Variants in HERPUD2 observed in about 807,000 individuals in gnomAD.
HERPUD2 encodes the protein homocysteine-responsive endoplasmic reticulum-resident ubiquitin-like domain member 2 protein.
A neutral mutation model predicts 49.9 loss-of-function variants in HERPUD2; 13 were observed. The observed-to-expected ratio is 0.26, with a 90% CI of 0.17 to 0.41. HERPUD2 has a LOEUF of 0.41. Among genes scored for constraint, HERPUD2 ranks in the 10% least tolerant of loss-of-function variants. HERPUD2 has a pLI of 1.00. For missense variants in HERPUD2, 449 were observed against 492.2 expected, an observed-to-expected ratio of 0.91 and a Z score of 0.83; for synonymous variants, 172 against 171.4, an observed-to-expected ratio of 1.00 and a Z score of -0.03.
rs190016835 is a variant in HERPUD2, at chr7:35,674,355, T to C, written c.148-1077A>G. Among the ~76,000 whole-genome samples the C allele has an allele frequency of 4.0e-5, 5 of 124,498 alleles. No individual in the cohort carries two copies. In the Admixed American group the frequency reaches 4.7e-4, roughly 12 times the overall value. 81.7% of individuals were successfully genotyped at this position (124,498 alleles called of 152,430 possible). On this transcript the variant is annotated intron_variant, in intron 2 of 8. Coordinates refer to ENST00000311350, the MANE Select transcript of HERPUD2 (RefSeq NM_022373.5). Reference sequence around the variant, plus strand: ...TAAACAATCAAATACAGTGCACAGGTTTTAAAATCATAAGTCTTACAACCT... The same window carrying C: ...TAAACAATCAAATACAGTGCACAGGCTTTAAAATCATAAGTCTTACAACCT...
At chr7:35,654,958 G>A (rs550293536) in intron 5 of HERPUD2, among the ~76,000 whole-genome samples, 11 of 152,274 alleles carry the variant, frequency 7.2e-5, no homozygotes, top group Non-Finnish European at 1.3e-4. Flanking sequence ...GGGTTCAAGC[G>A]ATGCTCCTGC....
chr7:35,642,498 A>T (rs1784982134), intron 5 of HERPUD2, among the ~76,000 whole-genome samples: 1 of 152,228 alleles, frequency 6.6e-6, no homozygotes, highest in Non-Finnish European at 1.5e-5. Context: ...TATCATAAAG[A>T]CATATGCATG....
intron 6 of HERPUD2, among the ~76,000 whole-genome samples, chr7:35,637,160 A>AGATAGAT (rs1784884130): frequency 9.0e-5 from 13 of 144,192 alleles, no homozygotes; most frequent in East Asian, 8.2e-4. Context: ...GAAAGAAAGA[A>AGATAGAT]AGATAGATAG....
intron 2 of HERPUD2, among the ~76,000 whole-genome samples, chr7:35,685,898 T>C (rs1402022574): frequency 4.0e-5 from 6 of 151,356 alleles, no homozygotes; most frequent in East Asian, 2.0e-4. Context: ...GAGGCGGAGG[T>C]TGCGGTGAGC....
chr7:35,650,555 G>A (rs1431039785), intron 5 of HERPUD2, among the ~76,000 whole-genome samples: 1 of 152,118 alleles, frequency 6.6e-6, no homozygotes. Context: ...TGGGGCCCAA[G>A]AACTCCGGTA....
At position 35,674,402 on chromosome 7, in the gene HERPUD2, TATAGAGAGAGAGAGAGAGAGAGAG is replaced by T. The variant is rs1256589519; in HGVS notation, c.148-1148_148-1125del. Reference sequence around the variant, plus strand: ...ACCTATATATATATATATATATATATATAGAGAGAGAGAGAGAGAGAGAGAGAGAGAGAGAGAGAGAGAGAGAGA... The same window carrying T: ...ACCTATATATATATATATATATATATAGAGAGAGAGAGAGAGAGAGAGAGA... On this transcript the variant is annotated intron_variant, in intron 2 of 8. Coordinates refer to ENST00000311350, the MANE Select transcript of HERPUD2 (RefSeq NM_022373.5). Among the ~76,000 whole-genome samples, 72 of 54,452 alleles carry T rather than the reference TATAGAGAGAGAGAGAGAGAGAGAG, an allele frequency of 1.3e-3. 1 individual carries two copies. Among genetic ancestry groups the T allele is most frequent in the Middle Eastern group, 8.5e-3 (1 of 118 alleles). The allele number at this position is 54,452 out of a possible 152,430, so 35.7% of individuals were successfully genotyped here.
intron 5 of HERPUD2, among the ~76,000 whole-genome samples, chr7:35,658,459 C>T (rs1785331333): frequency 6.6e-6 from 1 of 152,090 alleles, no homozygotes; most frequent in African/African-American, 2.4e-5. Flanking sequence ...CAAGGGCAGA[C>T]TTGAAATCTT....
chr7:35,666,836 G>A (rs1785547878), intron 5 of HERPUD2, among the ~76,000 whole-genome samples: 1 of 152,166 alleles, frequency 6.6e-6, no homozygotes, highest in Non-Finnish European at 1.5e-5. Flanking sequence ...ATACAACAAA[G>A]ATTCTGGACA....
At chr7:35,679,935 C>A (rs1312446971) in intron 2 of HERPUD2, among the ~76,000 whole-genome samples, 2 of 152,174 alleles carry the variant, frequency 1.3e-5, no homozygotes, top group African/African-American at 4.8e-5. Context: ...CATATCTAAC[C>A]ATTGTCAAAT....
intron 5 of HERPUD2, among the ~76,000 whole-genome samples, chr7:35,648,342 A>G (rs527874810): frequency 2.6e-5 from 4 of 152,366 alleles, no homozygotes; most frequent in East Asian, 3.9e-4. Flanking sequence ...TCAGTCTTCT[A>G]TAACAGGATT....
intron 2 of HERPUD2, among the ~76,000 whole-genome samples, chr7:35,687,242 C>T (rs1029461339): frequency 2.6e-5 from 4 of 152,070 alleles, no homozygotes; most frequent in African/African-American, 9.7e-5. Context: ...CAAATCTAAA[C>T]GTACTAGTTA....
At chr7:35,691,878 C>A (rs1028326958) in intron 2 of HERPUD2, among the ~76,000 whole-genome samples, 11 of 152,130 alleles carry the variant, frequency 7.2e-5, no homozygotes, top group Non-Finnish European at 1.5e-4. Context: ...CAAATCAATT[C>A]TCACGTGATA....
At chr7:35,675,984 C>G (rs1785751333) in intron 2 of HERPUD2, among the ~76,000 whole-genome samples, 1 of 152,136 alleles carries the variant, frequency 6.6e-6, no homozygotes, top group Non-Finnish European at 1.5e-5. Flanking sequence ...TTCTCTTCAC[C>G]TGTACAAATT....
At chr7:35,647,204 T>G (rs897599866) in intron 5 of HERPUD2, among the ~76,000 whole-genome samples, 1 of 152,124 alleles carries the variant, frequency 6.6e-6, no homozygotes, top group Admixed American at 6.6e-5. Context: ...ATCCCCACTG[T>G]GTTCCCAGAA....
intron 5 of HERPUD2, among the ~76,000 whole-genome samples, chr7:35,646,722 T>C (rs143250661): frequency 4.5e-4 from 69 of 152,320 alleles, no homozygotes; most frequent in African/African-American, 1.5e-3. Context: ...GAAAATGTCA[T>C]ATTCTTTATG....
At chr7:35,694,779 C>T in intron 1 of HERPUD2, 22 bp downstream of exon 1, 1 of 156,910 alleles carries the variant, frequency 6.4e-6, no homozygotes, top group Non-Finnish European at 1.4e-5. Context: ...CCGCTCAGGG[C>T]GGTCAGCGGG....
chr7:35,665,549 C>G (rs1042766456), intron 5 of HERPUD2, among the ~76,000 whole-genome samples: 10 of 152,296 alleles, frequency 6.6e-5, no homozygotes, highest in African/African-American at 2.2e-4. Context: ...GGGAATTCCC[C>G]GACCCCTTGC....
chr7:35,652,958 A>G (rs193238119), intron 5 of HERPUD2, among the ~76,000 whole-genome samples: 8 of 152,266 alleles, frequency 5.3e-5, no homozygotes, highest in Non-Finnish European at 1.2e-4. Flanking sequence ...GAAAGAATTT[A>G]TATGTCACCA....
chr7:35,670,221 G>T lies in HERPUD2; in HGVS notation c.333C>A (p.Ser111Arg). 6.6e-7 allele frequency: 1 copy of T among 1,523,196 alleles called. No homozygotes were observed. Among genetic ancestry groups the T allele is most frequent in the Non-Finnish European group, 9.0e-7 (1 of 1,117,212 alleles). 94.4% of individuals were successfully genotyped at this position (1,523,196 alleles called of 1,614,324 possible). ...RESHEALASS[S>R]NSSSDHSGST... ...TCCTCCCAAAACAACTCACAGAATT[G>T]CTGCTGGATGCCAATGCTTCATGAC... The change falls in exon 4 of 9, where the codon AGC becomes AGA. Residue 111 changes from serine (S) to arginine (R), a missense_variant. Coordinates refer to ENST00000311350, the MANE Select transcript of HERPUD2 (RefSeq NM_022373.5).
Sources: allele counts gnomAD v4.1 joint callset (sites outside exome capture counted in the v4.1 genomes callset), GRCh38; gene constraint gnomAD v4.1.1; transcripts MANE v1.5; gene names NCBI Gene and HGNC (gene_info 2026-07-23, HGNC 2026-07-21).